LINGO2: variants seen among roughly 807,000 people sequenced by gnomAD.
The protein encoded by LINGO2 is leucine rich repeat and Ig domain containing 2, also known as leucine-rich repeat and immunoglobulin-like domain-containing nogo receptor-interacting protein 2.
LINGO2 carries 14 observed loss-of-function variants against 30.6 expected under a neutral mutation model. The ratio of observed to expected loss-of-function variants is 0.46; its 90% confidence interval spans 0.30 to 0.72. LINGO2 has a LOEUF of 0.72. Among genes scored for constraint, LINGO2 ranks in the 30% least tolerant of loss-of-function variants. The probability of loss-of-function intolerance (pLI) is 0.07; values close to 1 mark genes in which losing one functional copy is unlikely to be tolerated. For synonymous variants in LINGO2, 317 were observed against 288.5 expected (o/e 1.10, Z -1.00); for missense variants, 729 against 751.7 (o/e 0.97, Z 0.35).
At chr9:29,135,870 C>T in the LINGO2 span, among the ~76,000 whole-genome samples, 2 of 152,146 alleles carry the variant, frequency 1.3e-5, no homozygotes, top group Non-Finnish European at 2.9e-5. Context: ...TGAGCTCATA[C>T]AGTGTTTGTC....
At chr9:28,703,035 T>C in the LINGO2 span, among the ~76,000 whole-genome samples, 4 of 151,842 alleles carry the variant, frequency 2.6e-5, no homozygotes, top group African/African-American at 9.7e-5. Context: ...AGCCTGGCTA[T>C]ATGCTATCAA....
At chr9:28,740,809 C>T in the LINGO2 span, among the ~76,000 whole-genome samples, 1 of 152,016 alleles carries the variant, frequency 6.6e-6, no homozygotes, top group Non-Finnish European at 1.5e-5. Flanking sequence ...ATAATCTACC[C>T]ATTTAGTGAT....
intron 4 of LINGO2, among the ~76,000 whole-genome samples, chr9:28,053,406 AAC>A (rs1446980222): frequency 2.6e-5 from 4 of 152,118 alleles, no homozygotes; most frequent in Non-Finnish European, 5.9e-5. Flanking sequence ...CTGCAGAGCA[AAC>A]ACAAACACAT....
At chr9:28,103,458 T>C (rs1269741763) in intron 4 of LINGO2, among the ~76,000 whole-genome samples, 1 of 152,264 alleles carries the variant, frequency 6.6e-6, no homozygotes, top group East Asian at 1.9e-4. Flanking sequence ...CTATGTACTG[T>C]CTTGAAACTC....
At chr9:28,628,110 C>T (rs1803788857) in intron 1 of LINGO2, among the ~76,000 whole-genome samples, 1 of 151,920 alleles carries the variant, frequency 6.6e-6, no homozygotes, top group African/African-American at 2.4e-5. Flanking sequence ...GAAAAAAGAA[C>T]GTTGTCTTCA....
the LINGO2 span, among the ~76,000 whole-genome samples, chr9:29,186,821 C>T: frequency 6.6e-6 from 1 of 151,964 alleles, no homozygotes; most frequent in Non-Finnish European, 1.5e-5. Context: ...ACAATGCCTA[C>T]CGAATATAGC....
At chr9:28,283,612 G>A (rs1390522944) in intron 4 of LINGO2, among the ~76,000 whole-genome samples, 2 of 152,092 alleles carry the variant, frequency 1.3e-5, no homozygotes, top group Non-Finnish European at 2.9e-5. Context: ...TTCAAAAAGA[G>A]GATACTTTGG....
chr9:28,811,473 C>A, the LINGO2 span, among the ~76,000 whole-genome samples: 1 of 152,090 alleles, frequency 6.6e-6, no homozygotes, highest in Non-Finnish European at 1.5e-5. Flanking sequence ...TCTTATTAAA[C>A]TGGGAAGTGA....
At chr9:29,180,160 CT>C in the LINGO2 span, among the ~76,000 whole-genome samples, 1 of 152,128 alleles carries the variant, frequency 6.6e-6, no homozygotes, top group Admixed American at 6.5e-5. Flanking sequence ...ACTCTGCCCC[CT>C]GCCTCTTTCA....
chr9:28,829,764 C>T, the LINGO2 span, among the ~76,000 whole-genome samples: 1 of 152,120 alleles, frequency 6.6e-6, no homozygotes, highest in Non-Finnish European at 1.5e-5. Flanking sequence ...GTGGCAGACA[C>T]CTGTAATCCC....
chr9:28,350,576 C>A (rs1416297449), intron 3 of LINGO2, among the ~76,000 whole-genome samples: 1 of 146,030 alleles, frequency 6.8e-6, no homozygotes, highest in East Asian at 2.0e-4. Context: ...CCACTGTCAA[C>A]ATTAGACAGA....
chr9:29,144,467 AT>A, the LINGO2 span, among the ~76,000 whole-genome samples: 1 of 151,022 alleles, frequency 6.6e-6, no homozygotes, highest in Non-Finnish European at 1.5e-5. Flanking sequence ...GGAAAAAAAA[AT>A]ATACTGGAAG....
chr9:28,167,491 A>T (rs9777637), intron 4 of LINGO2, among the ~76,000 whole-genome samples: 7,713 of 152,082 alleles, frequency 0.051, 251 homozygotes, highest in East Asian at 0.2. Context: ...AGCGATTCTC[A>T]TGCCTCAACC....
At chr9:28,642,013 G>GTTT (rs11453154) in intron 1 of LINGO2, among the ~76,000 whole-genome samples, 1 of 144,708 alleles carries the variant, frequency 6.9e-6, no homozygotes, top group African/African-American at 2.5e-5. Flanking sequence ...ATAATACTCT[G>GTTT]TTTTTTTTTT....
In LINGO2 at chr9:28,315,349, C is replaced by A. The variant is rs1228078999; in HGVS notation, c.-245-19983G>T. Among the ~76,000 whole-genome samples, 3 of 151,524 alleles carry A rather than the reference C, an allele frequency of 2.0e-5. No individual in the cohort carries two copies. In the East Asian group the frequency reaches 5.8e-4, roughly 29 times the overall value. ...ACCCGGAGGCACAGGTTGCAATGAGCCAAGATTGTGCCACTGCACTCCAGT... is the reference window on the plus strand; with the variant it reads ...ACCCGGAGGCACAGGTTGCAATGAGACAAGATTGTGCCACTGCACTCCAGT... On this transcript the variant is annotated intron_variant, in intron 3 of 5. Coordinates refer to ENST00000379992, the Ensembl canonical transcript of LINGO2.
At chr9:28,761,945 T>G in the LINGO2 span, among the ~76,000 whole-genome samples, 5 of 152,022 alleles carry the variant, frequency 3.3e-5, no homozygotes, top group Admixed American at 3.3e-4. Flanking sequence ...TGCCTTCTCT[T>G]AGCACACTGC....
At chr9:29,188,037 T>TTTTA in the LINGO2 span, among the ~76,000 whole-genome samples, 7 of 123,686 alleles carry the variant, frequency 5.7e-5, no homozygotes, top group East Asian at 2.5e-4. Context: ...TTTTTTTTTT[T>TTTTA]ATTGATCATT....
chr9:28,635,593 T>C (rs761066371), intron 1 of LINGO2, among the ~76,000 whole-genome samples: 1 of 152,106 alleles, frequency 6.6e-6, no homozygotes. Context: ...ACAGAAGCTA[T>C]CAACATCTGG....
At chr9:29,125,025 G>GATA in the LINGO2 span, among the ~76,000 whole-genome samples, 11 of 152,108 alleles carry the variant, frequency 7.2e-5, no homozygotes, top group African/African-American at 2.4e-4. Flanking sequence ...ATCCATCAAT[G>GATA]ATAGACTGGA....
Sources: gnomAD v4.1 joint callset for allele counts (sites outside exome capture counted in the v4.1 genomes callset) on GRCh38, gnomAD v4.1.1 for gene constraint, MANE v1.5 for transcripts, NCBI Gene and HGNC (gene_info 2026-07-23, HGNC 2026-07-21) for gene names.